Variants in FAM168A observed in about 807,000 individuals in gnomAD.
FAM168A encodes protein FAM168A.
In FAM168A, 3 loss-of-function variants were observed where a neutral mutation model predicts 28.5. The observed-to-expected ratio is 0.11, with a 90% CI of 0.05 to 0.27. FAM168A has a LOEUF of 0.27. Ranked by LOEUF, FAM168A falls within the 10% of genes least tolerant of loss-of-function variation. The pLI is 1.00. For missense variants in FAM168A, 222 were observed against 311.5 expected, an observed-to-expected ratio of 0.71 and a Z score of 2.16; for synonymous variants, 122 against 124.2, an observed-to-expected ratio of 0.98 and a Z score of 0.12.
chr11:73,572,186 C>T (rs184405982), intron 1 of FAM168A, among the ~76,000 whole-genome samples: 7,976 of 151,506 alleles, frequency 0.053, 695 homozygotes, highest in African/African-American at 0.18. Flanking sequence ...CCCGGCCAGC[C>T]GCCCCGTCCG....
chr11:73,474,341 TA>T (rs1453719502), intron 1 of FAM168A, among the ~76,000 whole-genome samples: 1 of 141,814 alleles, frequency 7.1e-6, no homozygotes, highest in African/African-American at 2.9e-5. Context: ...TTTTTTTTTT[TA>T]AAGATATGGG....
rs998343891 is a variant in FAM168A at position 73,405,773 on chromosome 11, A to G, written c.*990T>C. On this transcript the variant is annotated 3_prime_UTR_variant, in exon 8 of 8. Transcript: ENST00000356467. ...AGACAGGTGAGTCCTGGCACTGGGA[A>G]GGGCAAAAGAAAAGGGAGAGAAATG... 2 of 151,820 alleles carry G rather than the reference A, an allele frequency of 1.3e-5. No individual in the cohort carries two copies. Among genetic ancestry groups the G allele is most frequent in the Non-Finnish European group, 2.9e-5 (2 of 67,960 alleles). 9.4% of individuals were successfully genotyped at this position (151,820 alleles called of 1,614,324 possible). A position where few individuals can be genotyped will look rare whatever the true frequency, so the allele number is the denominator to read the frequency against.
intron 2 of FAM168A, among the ~76,000 whole-genome samples, chr11:73,431,734 T>G (rs1181139758): frequency 2.0e-5 from 3 of 152,012 alleles, no homozygotes; most frequent in Non-Finnish European, 2.9e-5. Context: ...TATACTATAT[T>G]CAGTTTGGGG....
At chr11:73,466,515 T>C (rs1867738699) in intron 2 of FAM168A, among the ~76,000 whole-genome samples, 2 of 152,306 alleles carry the variant, frequency 1.3e-5, no homozygotes, top group Middle Eastern at 3.4e-3. Flanking sequence ...TAATATATAG[T>C]ACCTAGTATG....
At chr11:73,511,276 C>A (rs566674683) in intron 1 of FAM168A, among the ~76,000 whole-genome samples, 1 of 151,494 alleles carries the variant, frequency 6.6e-6, no homozygotes, top group East Asian at 2.0e-4. Context: ...CCAGCTCTGT[C>A]GCCCAGGCTG....
intron 2 of FAM168A, among the ~76,000 whole-genome samples, chr11:73,432,342 A>T (rs1867009534): frequency 6.6e-6 from 1 of 152,200 alleles, no homozygotes; most frequent in Admixed American, 6.5e-5. Context: ...CTTTTTAAGG[A>T]ACCACCAAAC....
At chr11:73,453,819 G>A (rs1867476843) in intron 2 of FAM168A, among the ~76,000 whole-genome samples, 1 of 152,180 alleles carries the variant, frequency 6.6e-6, no homozygotes, top group Admixed American at 6.5e-5. Flanking sequence ...AGCTCTTCCA[G>A]TCCTGTGTCA....
chr11:73,498,282 T>C (rs918413100), intron 1 of FAM168A, among the ~76,000 whole-genome samples: 1 of 152,054 alleles, frequency 6.6e-6, no homozygotes, highest in African/African-American at 2.4e-5. Context: ...AGCAGTGCGG[T>C]ACAGCAGCCC....
chr11:73,469,538 T>C (rs576896272), intron 1 of FAM168A, among the ~76,000 whole-genome samples: 1 of 152,198 alleles, frequency 6.6e-6, no homozygotes, highest in African/African-American at 2.4e-5. Context: ...AAAAATGAGA[T>C]GTGGAGAAAA....
chr11:73,514,092 G>A lies in FAM168A; in HGVS notation c.-18-45600C>T, dbSNP rs117713223. 7.3e-3 allele frequency among the ~76,000 whole-genome samples: 1,117 copies of A among 152,204 alleles called. 13 individuals carry two copies. Among genetic ancestry groups the A allele is most frequent in the Non-Finnish European group, 0.012 (838 of 68,020 alleles). On this transcript the variant is annotated intron_variant, in intron 1 of 7. Coordinates refer to ENST00000356467, the MANE Select transcript of FAM168A (RefSeq NM_015159.3). Reference sequence around the variant, plus strand: ...CCCAGTTACTCAGGAGGCTGAGGCTGCAGTGAGCCATGATCACACCACTGT... The same window carrying A: ...CCCAGTTACTCAGGAGGCTGAGGCTACAGTGAGCCATGATCACACCACTGT...
At chr11:73,544,772 T>C (rs866139529) in intron 1 of FAM168A, among the ~76,000 whole-genome samples, 35 of 103,528 alleles carry the variant, frequency 3.4e-4, no homozygotes, top group African/African-American at 1.7e-3. Context: ...TATATATAAT[T>C]ATATATAATT....
Position 73,401,485 on chromosome 11 carries a change from TGAG to T in FAM168A, c.*5275_*5277del, listed in dbSNP as rs1322495271. 6.6e-6 allele frequency: 1 copy of T among 152,310 alleles called. No homozygotes were observed. Among genetic ancestry groups the T allele is most frequent in the Non-Finnish European group, 1.5e-5 (1 of 68,122 alleles). 9.4% of individuals were successfully genotyped at this position (152,310 alleles called of 1,614,324 possible). A position where few individuals can be genotyped will look rare whatever the true frequency, so the allele number is the denominator to read the frequency against. On this transcript the variant is annotated 3_prime_UTR_variant, in exon 8 of 8. Transcript: ENST00000356467. The stretch of plus-strand genomic sequence containing the variant: ...TCTCTTTCCCTGACTCTCTTAGGCC[TGAG>T]GAGAAAGGCTGGGGTCTGGAGATGC...
intron 1 of FAM168A, among the ~76,000 whole-genome samples, chr11:73,585,698 C>G (rs1267907875): frequency 1.3e-5 from 2 of 151,756 alleles, no homozygotes; most frequent in African/African-American, 4.8e-5. Context: ...TGAAACCCCA[C>G]CACTACCAAA....
chr11:73,526,868 C>CAAAAAAAA (rs61073226), intron 1 of FAM168A, among the ~76,000 whole-genome samples: 3 of 51,922 alleles, frequency 5.8e-5, no homozygotes, highest in Non-Finnish European at 7.4e-5. Flanking sequence ...GACTCCATCT[C>CAAAAAAAA]AAAAAAAAAA....
chr11:73,563,798 C>A (rs1442193655), intron 1 of FAM168A, among the ~76,000 whole-genome samples: 1 of 152,148 alleles, frequency 6.6e-6, no homozygotes, highest in Non-Finnish European at 1.5e-5. Context: ...AAATACTAGG[C>A]TATGAACTAT....
intron 1 of FAM168A, among the ~76,000 whole-genome samples, chr11:73,554,935 T>C (rs76656400): frequency 6.6e-6 from 1 of 152,086 alleles, no homozygotes; most frequent in East Asian, 1.9e-4. Context: ...CTCAAGATCA[T>C]GGAACCTGTC....
rs1031595898 is a variant in FAM168A, at chr11:73,404,324, C to T, written c.*2439G>A. The T allele has an allele frequency of 6.6e-6, 1 of 152,180 alleles. No individual in the cohort carries two copies. The highest frequency in any genetic ancestry group is 1.5e-5 in the Non-Finnish European group (1 of 68,044). The allele number at this position is 152,180 out of a possible 1,614,324, so 9.4% of individuals were successfully genotyped here. ...CCTGTTCCCTTCCATAACCTGTTTCCTCATTTGTCAATTGACTGTAATAAC... is the reference window on the plus strand; with the variant it reads ...CCTGTTCCCTTCCATAACCTGTTTCTTCATTTGTCAATTGACTGTAATAAC... On this transcript the variant is annotated 3_prime_UTR_variant, in exon 8 of 8. Transcript: ENST00000356467.
At chr11:73,462,521 T>C (rs757097832) in intron 2 of FAM168A, among the ~76,000 whole-genome samples, 8 of 152,316 alleles carry the variant, frequency 5.3e-5, no homozygotes, top group Admixed American at 1.3e-4. Context: ...TGTGAATCAA[T>C]AGTGACGACA....
chr11:73,547,439 A>G (rs375225546), intron 1 of FAM168A, among the ~76,000 whole-genome samples: 9 of 152,272 alleles, frequency 5.9e-5, no homozygotes, highest in African/African-American at 1.9e-4. Flanking sequence ...TATTGAAAAT[A>G]GTATATCTGC....
Sources: gnomAD v4.1 joint callset for allele counts (sites outside exome capture counted in the v4.1 genomes callset) on GRCh38, gnomAD v4.1.1 for gene constraint, MANE v1.5 for transcripts, NCBI Gene and HGNC (gene_info 2026-07-23, HGNC 2026-07-21) for gene names.